SPOCK3: variants seen among roughly 807,000 people sequenced by gnomAD.
The protein encoded by SPOCK3 is SPARC (osteonectin), cwcv and kazal like domains proteoglycan 3.
In SPOCK3, 30 loss-of-function variants were observed where a neutral mutation model predicts 56.6. The observed-to-expected ratio is 0.53, with a 90% confidence interval of 0.40 to 0.72. The LOEUF (loss-of-function observed/expected upper bound fraction) is 0.72, where lower values mean the gene tolerates loss of function less well. SPOCK3 is among the 30% of genes least tolerant of loss of function. SPOCK3 has a pLI of 0.00. For missense variants in SPOCK3, 527 were observed against 530.0 expected, an observed-to-expected ratio of 0.99 and a Z score of 0.06; for synonymous variants, 196 against 183.3, an observed-to-expected ratio of 1.07 and a Z score of -0.56.
At chr4:166,807,991 A>G (rs1441584374) in intron 6 of SPOCK3, among the ~76,000 whole-genome samples, 2 of 152,152 alleles carry the variant, frequency 1.3e-5, no homozygotes, top group African/African-American at 4.8e-5. Flanking sequence ...AAAAGGCTGC[A>G]AAACTTTAAA....
chr4:167,123,690 C>G (rs1333726655), intron 2 of SPOCK3, among the ~76,000 whole-genome samples: 1 of 150,992 alleles, frequency 6.6e-6, no homozygotes, highest in Non-Finnish European at 1.5e-5. Context: ...GTCATATTTT[C>G]TGCTTTTCCC....
chr4:167,034,032 C>T (rs1580070516), intron 3 of SPOCK3, among the ~76,000 whole-genome samples: 1 of 151,962 alleles, frequency 6.6e-6, no homozygotes, highest in East Asian at 1.9e-4. Flanking sequence ...TAAATATTAA[C>T]AGAAATAGCC....
chr4:167,220,475 T>A (rs996594693), intron 2 of SPOCK3, among the ~76,000 whole-genome samples: 1 of 150,228 alleles, frequency 6.7e-6, no homozygotes, highest in Non-Finnish European at 1.5e-5. Flanking sequence ...ACCTCCTGGA[T>A]CAAGCAATCC....
intron 4 of SPOCK3, among the ~76,000 whole-genome samples, chr4:166,947,513 G>A (rs1741915003): frequency 6.6e-6 from 1 of 151,876 alleles, no homozygotes; most frequent in Non-Finnish European, 1.5e-5. Flanking sequence ...TTTTCCTAAG[G>A]AAACATTCTC....
At chr4:167,103,823 C>T (rs2150330180) in intron 2 of SPOCK3, among the ~76,000 whole-genome samples, 1 of 152,280 alleles carries the variant, frequency 6.6e-6, no homozygotes, top group South Asian at 2.1e-4. Context: ...TGACCCAGTG[C>T]TGTCCCACTG....
chr4:166,871,390 T>C (rs1459529575), intron 6 of SPOCK3, among the ~76,000 whole-genome samples: 1 of 152,108 alleles, frequency 6.6e-6, no homozygotes, highest in Non-Finnish European at 1.5e-5. Flanking sequence ...ACTGCTTTCA[T>C]AGACATTAAA....
intron 6 of SPOCK3, among the ~76,000 whole-genome samples, chr4:166,827,397 G>C (rs968814567): frequency 5.9e-5 from 9 of 152,072 alleles, no homozygotes; most frequent in Non-Finnish European, 1.3e-4. Flanking sequence ...ACACTGCCTG[G>C]CATGAGATAA....
At chr4:167,171,071 T>C (rs1181489933) in intron 2 of SPOCK3, among the ~76,000 whole-genome samples, 2 of 152,122 alleles carry the variant, frequency 1.3e-5, no homozygotes, top group African/African-American at 2.4e-5. Context: ...GCCTTACCTA[T>C]ATTAAGAACA....
intron 2 of SPOCK3, among the ~76,000 whole-genome samples, chr4:167,168,501 A>G (rs1195312881): frequency 6.6e-6 from 1 of 152,076 alleles, no homozygotes; most frequent in Admixed American, 6.5e-5. Flanking sequence ...CTTTTTGGGA[A>G]CTAGAGTAAA....
rs1411003308 is a variant in SPOCK3 at position 166,765,914 on chromosome 4, G to T, written c.710-11185C>A. Among the ~76,000 whole-genome samples, 3 of 152,134 alleles carry T rather than the reference G, an allele frequency of 2.0e-5. No individual in the cohort carries two copies. The East Asian group carries it at 5.8e-4, about 29-fold the overall frequency. ...AAGAGGTCCTTCACATCCCTTTTAA[G>T]TTGGATTCCTAGGTATTTTATTCTC... On this transcript the variant is annotated intron_variant, in intron 7 of 10. Transcript: ENST00000357545.
At chr4:167,216,784 T>G (rs1306207562) in intron 2 of SPOCK3, among the ~76,000 whole-genome samples, 1 of 152,084 alleles carries the variant, frequency 6.6e-6, no homozygotes, top group Non-Finnish European at 1.5e-5. Flanking sequence ...TATCTAAGTA[T>G]TTTCTGAAAA....
At chr4:167,177,209 G>A (rs909503414) in intron 2 of SPOCK3, among the ~76,000 whole-genome samples, 1 of 152,014 alleles carries the variant, frequency 6.6e-6, no homozygotes, top group Non-Finnish European at 1.5e-5. Context: ...GTATGGTAGA[G>A]GATGGCAATT....
chr4:167,174,452 C>T (rs1730790958), intron 2 of SPOCK3, among the ~76,000 whole-genome samples: 1 of 149,914 alleles, frequency 6.7e-6, no homozygotes, highest in Admixed American at 6.7e-5. Context: ...AAAAAAATTA[C>T]TCCACTAAAC....
At chr4:167,167,839 T>C (rs1730125691) in intron 2 of SPOCK3, among the ~76,000 whole-genome samples, 1 of 152,124 alleles carries the variant, frequency 6.6e-6, no homozygotes, top group African/African-American at 2.4e-5. Flanking sequence ...GTATGAATAG[T>C]AGTGATATGG....
intron 2 of SPOCK3, among the ~76,000 whole-genome samples, chr4:167,082,917 A>G (rs376589314): frequency 6.6e-6 from 1 of 151,132 alleles, no homozygotes; most frequent in Non-Finnish European, 1.5e-5. Context: ...GAGAGAGAGA[A>G]AGGCCAACCG....
chr4:167,069,343 G>A (rs1160223885), intron 2 of SPOCK3, among the ~76,000 whole-genome samples: 2 of 151,824 alleles, frequency 1.3e-5, no homozygotes, highest in East Asian at 3.9e-4. Context: ...AAAATCAATT[G>A]CCAACCATGT....
intron 4 of SPOCK3, among the ~76,000 whole-genome samples, chr4:166,994,145 T>G (rs1234311497): frequency 6.6e-6 from 1 of 151,972 alleles, no homozygotes; most frequent in Non-Finnish European, 1.5e-5. Flanking sequence ...CGCGAGAAAA[T>G]AAAACACAGC....
intron 6 of SPOCK3, among the ~76,000 whole-genome samples, chr4:166,813,984 A>G (rs6823089): frequency 0.13 from 20,112 of 152,042 alleles, 1,513 homozygotes; most frequent in African/African-American, 0.21. Context: ...GTAAAACTTG[A>G]GTAAAAGAAT....
chr4:166,898,530 C>T (rs1735658370), intron 5 of SPOCK3, among the ~76,000 whole-genome samples: 1 of 152,130 alleles, frequency 6.6e-6, no homozygotes, highest in Non-Finnish European at 1.5e-5. Context: ...AGGGTTTACA[C>T]TATAAAAGGT....
Sources: gnomAD v4.1 joint callset for allele counts (sites outside exome capture counted in the v4.1 genomes callset) on GRCh38, gnomAD v4.1.1 for gene constraint, MANE v1.5 for transcripts, NCBI Gene and HGNC (gene_info 2026-07-23, HGNC 2026-07-21) for gene names.